Variants in PPCDC observed in about 807,000 individuals in gnomAD.
PPCDC encodes the protein phosphopantothenoylcysteine decarboxylase.
Under a neutral mutation model 20.7 loss-of-function variants are expected in PPCDC, and 20 were observed. The ratio of observed to expected loss-of-function variants is 0.97; its 90% CI spans 0.68 to 1.41. The LOEUF (loss-of-function observed/expected upper bound fraction) is 1.41, where lower values mean the gene tolerates loss of function less well. PPCDC is among the 40% of genes most tolerant of loss of function. The pLI is 0.00. For synonymous variants in PPCDC, 88 were observed against 100.3 expected, an observed-to-expected ratio of 0.88 and a Z score of 0.73; for missense variants, 246 against 263.8, an observed-to-expected ratio of 0.93 and a Z score of 0.47.
intron 1 of PPCDC, among the ~76,000 whole-genome samples, chr15:75,026,730 T>G (rs555567475): frequency 1.3e-5 from 2 of 152,150 alleles, no homozygotes; most frequent in Non-Finnish European, 2.9e-5. Context: ...TGCTGATTCT[T>G]TTTTGAGTGC....
At chr15:75,048,492 G>C (rs992870889) in intron 4 of PPCDC, 61 bp from the exon 5 acceptor site, 1 of 1,573,108 alleles carries the variant, frequency 6.4e-7, no homozygotes, top group Non-Finnish European at 8.6e-7. Flanking sequence ...GGGTCTGGAG[G>C]GCGGTGGGGA....
chr15:75,026,042 G>C (rs1331865739), intron 1 of PPCDC, among the ~76,000 whole-genome samples: 1 of 152,190 alleles, frequency 6.6e-6, no homozygotes, highest in Non-Finnish European at 1.5e-5. Flanking sequence ...GCCTGCTGTG[G>C]GGAAGCAGTT....
At chr15:75,033,773 C>T (rs1380513738) in intron 2 of PPCDC, among the ~76,000 whole-genome samples, 1 of 152,078 alleles carries the variant, frequency 6.6e-6, no homozygotes, top group Non-Finnish European at 1.5e-5. Context: ...TGGCCTGCAG[C>T]CCTGTCACCT....
At chr15:75,027,626 T>C (rs915000350) in intron 1 of PPCDC, among the ~76,000 whole-genome samples, 2 of 152,182 alleles carry the variant, frequency 1.3e-5, no homozygotes, top group Admixed American at 1.3e-4. Context: ...CTTTCACCAG[T>C]CAGCCCAGTC....
At chr15:75,044,677 T>C (rs2066206332) in intron 4 of PPCDC, 163 bp downstream of exon 4, 2 of 955,682 alleles carry the variant, frequency 2.1e-6, no homozygotes, top group Admixed American at 5.7e-5. Context: ...TCTCACCTTC[T>C]CTGTAGCACA....
At chr15:75,033,793 G>C (rs1227237848) in intron 2 of PPCDC, among the ~76,000 whole-genome samples, 1 of 152,092 alleles carries the variant, frequency 6.6e-6, no homozygotes. Flanking sequence ...TGCTCCTCTA[G>C]GGACAGAGCT....
Position 75,050,221 on chromosome 15 carries a change from G to T in PPCDC, c.*986G>T. 6.6e-6 allele frequency: 1 copy of T among 152,354 alleles called. No individual in the cohort carries two copies. The allele number at this position is 152,354 out of a possible 1,614,324, so 9.4% of individuals were successfully genotyped here. On this transcript the variant is annotated 3_prime_UTR_variant, in exon 6 of 6. Transcript: ENST00000342932. The stretch of plus-strand genomic sequence containing the variant: ...GACACATCCCTTTATGCAAGTGACA[G>T]GTAAGCAGCCAGGAGGGTTGACCCT...
chr15:75,027,397 C>T (rs1356177559), intron 1 of PPCDC, among the ~76,000 whole-genome samples: 1 of 152,132 alleles, frequency 6.6e-6, no homozygotes, highest in Non-Finnish European at 1.5e-5. Flanking sequence ...CGTCTGAGAG[C>T]CAGAGGAAGA....
intron 4 of PPCDC, among the ~76,000 whole-genome samples, chr15:75,045,520 T>C (rs1595913020): frequency 6.6e-6 from 1 of 152,142 alleles, no homozygotes; most frequent in African/African-American, 2.4e-5. Context: ...CAGAGTTTCA[T>C]GTGGTGAAGA....
Position 75,049,689 on chromosome 15 carries a change from C to T in PPCDC, c.*454C>T. ...GTTGGCAGGACTCTGAGGTTTCCTGCAGACCATGCCATGAGATTGAAGGTG... is the reference window on the plus strand; with the variant it reads ...GTTGGCAGGACTCTGAGGTTTCCTGTAGACCATGCCATGAGATTGAAGGTG... On this transcript the variant is annotated 3_prime_UTR_variant, in exon 6 of 6. Coordinates refer to ENST00000342932, the MANE Select transcript of PPCDC (RefSeq NM_021823.5). The T allele has an allele frequency of 6.2e-6, 1 of 161,768 alleles. No homozygotes were observed. Among genetic ancestry groups the T allele is most frequent in the South Asian group, 1.7e-4 (1 of 5,788 alleles). 10.0% of individuals were successfully genotyped at this position (161,768 alleles called of 1,614,324 possible). A position where few individuals can be genotyped will look rare whatever the true frequency, so the allele number is the denominator to read the frequency against.
At chr15:75,045,395 T>C in intron 4 of PPCDC, among the ~76,000 whole-genome samples, 1 of 152,214 alleles carries the variant, frequency 6.6e-6, no homozygotes, top group Non-Finnish European at 1.5e-5. Flanking sequence ...AGTCAGTCCT[T>C]TCTATGGAGT....
intron 2 of PPCDC, among the ~76,000 whole-genome samples, chr15:75,031,080 CT>C (rs1490781682): frequency 6.6e-6 from 1 of 152,140 alleles, no homozygotes; most frequent in Non-Finnish European, 1.5e-5. Flanking sequence ...CAAGTCCGTT[CT>C]TTTTGGCCAT....
At chr15:75,032,731 C>CCG (rs1555413315) in intron 2 of PPCDC, among the ~76,000 whole-genome samples, 1 of 130,410 alleles carries the variant, frequency 7.7e-6, no homozygotes, top group Non-Finnish European at 1.6e-5. Flanking sequence ...TGGACCCCCC[C>CCG]CCCCAAGGCC....
At chr15:75,028,655 A>C (rs1297338569) in intron 2 of PPCDC, among the ~76,000 whole-genome samples, 1 of 152,156 alleles carries the variant, frequency 6.6e-6, no homozygotes, top group Non-Finnish European at 1.5e-5. Context: ...GGGCTAGATT[A>C]GATAGTACAG....
At chr15:75,033,776 T>C (rs2066053710) in intron 2 of PPCDC, among the ~76,000 whole-genome samples, 1 of 152,164 alleles carries the variant, frequency 6.6e-6, no homozygotes, top group Non-Finnish European at 1.5e-5. Flanking sequence ...CCTGCAGCCC[T>C]GTCACCTGCT....
intron 2 of PPCDC, among the ~76,000 whole-genome samples, chr15:75,031,915 G>A (rs1202724156): frequency 1.3e-5 from 2 of 152,130 alleles, no homozygotes; most frequent in South Asian, 2.1e-4. Context: ...GGAATTATAC[G>A]GTCTTGTTAG....
intron 2 of PPCDC, among the ~76,000 whole-genome samples, chr15:75,032,568 C>G (rs2066033554): frequency 6.6e-6 from 1 of 152,134 alleles, no homozygotes; most frequent in Non-Finnish European, 1.5e-5. Context: ...AAATATCCAG[C>G]AGTAGAGAGC....
chr15:75,047,544 G>A (rs1404730868), intron 4 of PPCDC, among the ~76,000 whole-genome samples: 2 of 152,220 alleles, frequency 1.3e-5, no homozygotes, highest in African/African-American at 2.4e-5. Flanking sequence ...GGTGTCTGGA[G>A]TAGTCAGAGC....
In PPCDC at chr15:75,028,365, G is replaced by C. The variant is rs2065982039; in HGVS notation, c.47G>C (p.Arg16Thr). ...CCAGCTGCTGCACCCTTGATGGAGA[G>C]AAAATTCCATGTTCTTGTGGGTGTC... is the stretch of plus-strand genomic sequence containing the variant. ...SCPAAAPLMERKFHVLVGVTG... is the reference protein window; with the variant it reads ...SCPAAAPLMETKFHVLVGVTG... Residue 16 changes from arginine to threonine, a missense_variant, in exon 2 of 6, where the codon AGA becomes ACA. Coordinates refer to ENST00000342932, the MANE Select transcript of PPCDC (RefSeq NM_021823.5). 2 of 1,614,094 alleles carry C rather than the reference G, an allele frequency of 1.2e-6. No homozygotes were observed. The highest frequency in any genetic ancestry group is 1.7e-6 in the Non-Finnish European group (2 of 1,180,040).
Sources: allele counts gnomAD v4.1 joint callset (sites outside exome capture counted in the v4.1 genomes callset), GRCh38; gene constraint gnomAD v4.1.1; transcripts MANE v1.5; gene names NCBI Gene and HGNC (gene_info 2026-07-23, HGNC 2026-07-21).